The following PSTPIP2 variants were observed in gnomAD, a reference collection of about 807,000 sequenced individuals.
PSTPIP2 encodes proline-serine-threonine phosphatase-interacting protein 2.
A neutral mutation model predicts 63.3 loss-of-function variants in PSTPIP2; 33 were observed. The observed-to-expected ratio is 0.52, with a 90% CI of 0.40 to 0.70. The LOEUF is 0.70. Ranked by LOEUF, PSTPIP2 falls within the 30% of genes least tolerant of loss-of-function variation. PSTPIP2 has a pLI of 0.00. For missense variants in PSTPIP2, 312 were observed against 400.7 expected, an observed-to-expected ratio of 0.78 and a Z score of 1.89; for synonymous variants, 125 against 132.7, an observed-to-expected ratio of 0.94 and a Z score of 0.40.
At chr18:46,015,601 A>G (rs558547583) in intron 4 of PSTPIP2, among the ~76,000 whole-genome samples, 51 of 152,194 alleles carry the variant, frequency 3.4e-4, no homozygotes, top group Non-Finnish European at 6.6e-4. Context: ...GACTTCCTGA[A>G]TCAGAAACTC....
intron 1 of PSTPIP2, among the ~76,000 whole-genome samples, chr18:46,063,597 T>C (rs1233330747): frequency 1.3e-5 from 2 of 150,230 alleles, no homozygotes; most frequent in Non-Finnish European, 2.9e-5. Flanking sequence ...CTATACTGGA[T>C]GTTAGAACAT....
At chr18:46,071,402 A>G (rs1441705955) in intron 1 of PSTPIP2, among the ~76,000 whole-genome samples, 3 of 152,184 alleles carry the variant, frequency 2.0e-5, no homozygotes, top group African/African-American at 7.2e-5. Flanking sequence ...CAGAGGGAAG[A>G]GGACTAGACA....
chr18:46,015,214 G>A (rs552128705), intron 4 of PSTPIP2, among the ~76,000 whole-genome samples: 2 of 152,336 alleles, frequency 1.3e-5, no homozygotes, highest in East Asian at 1.9e-4. Context: ...ATTAGAGTAA[G>A]AGGTGAGGGA....
At chr18:45,992,574 C>CA (rs1343761016) in intron 10 of PSTPIP2, among the ~76,000 whole-genome samples, 4 of 145,992 alleles carry the variant, frequency 2.7e-5, no homozygotes, top group African/African-American at 1.0e-4. Context: ...AAAAAAAAAA[C>CA]AAAAAAACAA....
intron 3 of PSTPIP2, among the ~76,000 whole-genome samples, chr18:46,024,098 C>T (rs1907487108): frequency 6.6e-6 from 1 of 151,820 alleles, no homozygotes; most frequent in Non-Finnish European, 1.5e-5. Context: ...GTGACACGCG[C>T]CTGTATTCCC....
At chr18:46,056,202 G>T (rs975135792) in intron 1 of PSTPIP2, among the ~76,000 whole-genome samples, 22 of 152,158 alleles carry the variant, frequency 1.4e-4, no homozygotes, top group African/African-American at 5.1e-4. Flanking sequence ...TAGCTGGTCT[G>T]GGAGTCTGTA....
chr18:46,039,295 C>A (rs770660662), intron 2 of PSTPIP2, among the ~76,000 whole-genome samples: 2 of 152,106 alleles, frequency 1.3e-5, no homozygotes, highest in Non-Finnish European at 2.9e-5. Context: ...ATCCTCTAAA[C>A]CATGCCAGTT....
chr18:46,000,502 G>A (rs2051652030), intron 6 of PSTPIP2, among the ~76,000 whole-genome samples: 1 of 152,144 alleles, frequency 6.6e-6, no homozygotes, highest in African/African-American at 2.4e-5. Flanking sequence ...TAGTAGCTGG[G>A]ACTACAGGCA....
At position 45,996,670 on chromosome 18, in the gene PSTPIP2, C is replaced by T. The variant is rs918975596; in HGVS notation, c.642+1079G>A. 1.1e-4 allele frequency among the ~76,000 whole-genome samples: 16 copies of T among 151,776 alleles called. 1 individual carries two copies. Among genetic ancestry groups the T allele is most frequent in the East Asian group, 5.8e-4 (3 of 5,186 alleles). On this transcript the variant is annotated intron_variant, in intron 9 of 14. Coordinates refer to ENST00000409746, the MANE Select transcript of PSTPIP2 (RefSeq NM_024430.4). ...CTCCAGCCAGGCATGGTGGCTCATG[C>T]CTGTAACCCTGGCAACTCAGGAGGC...
At chr18:45,992,439 G>A (rs562884072) in intron 10 of PSTPIP2, among the ~76,000 whole-genome samples, 3 of 151,998 alleles carry the variant, frequency 2.0e-5, no homozygotes, top group Admixed American at 6.6e-5. Flanking sequence ...GCAGGCGCCT[G>A]TAATCCCAGC....
intron 3 of PSTPIP2, among the ~76,000 whole-genome samples, chr18:46,022,496 C>T (rs907051086): frequency 6.6e-6 from 1 of 152,172 alleles, no homozygotes; most frequent in Non-Finnish European, 1.5e-5. Flanking sequence ...TCTCTAAACC[C>T]TCCCTCAACA....
chr18:46,043,970 C>T (rs1179567182), intron 1 of PSTPIP2, among the ~76,000 whole-genome samples: 1 of 152,056 alleles, frequency 6.6e-6, no homozygotes, highest in African/African-American at 2.4e-5. Flanking sequence ...ACAAAAGGTA[C>T]AGCTAAAAGA....
intron 6 of PSTPIP2, among the ~76,000 whole-genome samples, chr18:46,003,290 T>C (rs1039002706): frequency 1.4e-4 from 21 of 152,182 alleles, no homozygotes; most frequent in African/African-American, 5.1e-4. Context: ...AATAACACTG[T>C]GTAGAGGAGG....
At chr18:46,008,249 C>T (rs1214523628) in intron 5 of PSTPIP2, among the ~76,000 whole-genome samples, 2 of 152,152 alleles carry the variant, frequency 1.3e-5, no homozygotes, top group Admixed American at 6.5e-5. Flanking sequence ...CTGAGAGAGA[C>T]TATTGGAATA....
At chr18:46,033,204 A>G (rs913402256) in intron 2 of PSTPIP2, among the ~76,000 whole-genome samples, 3 of 152,152 alleles carry the variant, frequency 2.0e-5, no homozygotes, top group Non-Finnish European at 4.4e-5. Context: ...CCGATACTCT[A>G]TTTCCCATGA....
At chr18:45,986,647 A>G (rs1224085591) in intron 14 of PSTPIP2, among the ~76,000 whole-genome samples, 2 of 152,212 alleles carry the variant, frequency 1.3e-5, no homozygotes, top group Non-Finnish European at 2.9e-5. Context: ...TGAAATGAAG[A>G]AGAAATGATG....
intron 6 of PSTPIP2, among the ~76,000 whole-genome samples, chr18:46,002,919 G>T (rs2051682727): frequency 6.6e-6 from 1 of 152,214 alleles, no homozygotes; most frequent in African/African-American, 2.4e-5. Context: ...TCTTTTCATG[G>T]AGTTTCGTAT....
intron 1 of PSTPIP2, among the ~76,000 whole-genome samples, chr18:46,058,888 TG>T (rs1908878844): frequency 6.6e-6 from 1 of 152,226 alleles, no homozygotes; most frequent in Non-Finnish European, 1.5e-5. Context: ...CCCTGGACAC[TG>T]CCTGGGAGGC....
chr18:46,013,296 C>G (rs1354683535), intron 4 of PSTPIP2, among the ~76,000 whole-genome samples: 41 of 152,156 alleles, frequency 2.7e-4, no homozygotes, highest in Admixed American at 2.6e-3. Context: ...AAGAAGACAC[C>G]TTCTATGTAA....
Sources: gnomAD v4.1 joint callset for allele counts (sites outside exome capture counted in the v4.1 genomes callset) on GRCh38, gnomAD v4.1.1 for gene constraint, MANE v1.5 for transcripts, NCBI Gene and HGNC (gene_info 2026-07-23, HGNC 2026-07-21) for gene names.